SCN11A: variants seen among roughly 807,000 people sequenced by gnomAD.
SCN11A encodes the protein sodium voltage-gated channel alpha subunit 11, also known as sodium channel protein type 11 subunit alpha.
Under a neutral mutation model 162.2 loss-of-function variants are expected in SCN11A, and 122 were observed. That is an observed-to-expected ratio of 0.75 (90% CI 0.65 to 0.87). The LOEUF (loss-of-function observed/expected upper bound fraction) is 0.87, where lower values mean the gene tolerates loss of function less well. Among genes scored for constraint, SCN11A ranks in the 40% least tolerant of loss-of-function variants. The probability of loss-of-function intolerance (pLI) is 0.00; values close to 1 mark genes in which losing one functional copy is unlikely to be tolerated. For synonymous variants in SCN11A, 758 were observed against 751.5 expected, an observed-to-expected ratio of 1.01 and a Z score of -0.14; for missense variants, 2,015 against 2,181.6, an observed-to-expected ratio of 0.92 and a Z score of 1.52.
chr3:38,983,444 C>A (rs1261626862), intron 2 of SCN11A, among the ~76,000 whole-genome samples: 1 of 152,104 alleles, frequency 6.6e-6, no homozygotes, highest in Non-Finnish European at 1.5e-5. Context: ...TGTGGCCTGA[C>A]CTCCCCTGTG....
At position 38,894,757 on chromosome 3, in the gene SCN11A, C is replaced by T. The variant is rs1265488171; in HGVS notation, c.2611G>A (p.Gly871Arg). 2 of 1,614,190 alleles carry T rather than the reference C, an allele frequency of 1.2e-6. No homozygotes were observed. Among genetic ancestry groups the T allele is most frequent in the Non-Finnish European group, 1.7e-6 (2 of 1,180,020 alleles). Residue 871 changes from glycine to arginine, a missense_variant, in exon 19 of 30, where the codon GGA (glycine) becomes AGA (arginine). Gly to Arg is a moderately radical substitution (Grantham distance 125). Transcript: ENST00000302328. ...TCTTTGCTTTGTGCAGCACAGCCTC[C>T]TGCCACCTCTTTTTGCTGTGGTAAG... ...QNLPQQKEVA[G>R]GCAAQSKDII...
intron 2 of SCN11A, among the ~76,000 whole-genome samples, chr3:39,021,896 T>C (rs1396393971): frequency 6.6e-6 from 1 of 152,052 alleles, no homozygotes; most frequent in East Asian, 1.9e-4. Flanking sequence ...GAAAACTGAG[T>C]TATTGGCCAT....
At chr3:39,007,280 T>TC (rs2031005232) in intron 2 of SCN11A, among the ~76,000 whole-genome samples, 1 of 152,206 alleles carries the variant, frequency 6.6e-6, no homozygotes, top group Non-Finnish European at 1.5e-5. Flanking sequence ...TTTATCTTCA[T>TC]CCCCTGTTCC....
intron 2 of SCN11A, among the ~76,000 whole-genome samples, chr3:38,983,850 G>C (rs143961128): frequency 6.0e-5 from 9 of 150,888 alleles, no homozygotes; most frequent in African/African-American, 2.2e-4. Context: ...CAGGAAGTTA[G>C]AGAGAGAAAT....
Position 38,919,951 on chromosome 3 carries a change from T to C in SCN11A, c.943A>G (p.Ile315Val), listed in dbSNP as rs762734011. 1.2e-6 allele frequency: 2 copies of C among 1,613,286 alleles called. No individual in the cohort carries two copies. Among genetic ancestry groups the C allele is most frequent in the Admixed American group, 3.3e-5 (2 of 60,010 alleles). The change falls in exon 11 of 30, where the codon ATC (isoleucine) becomes GTC (valine). Residue 315 changes from isoleucine to valine, a missense_variant. Transcript: ENST00000302328. ...ACCTCTTACCTGTTACCCATCCAGA[T>C]GCCACACATTTTGAATTCAGGTGAA... The part of the protein sequence containing the change: ...ENSPEFKMCG[I>V]WMGNSACSIQ...
intron 7 of SCN11A, among the ~76,000 whole-genome samples, chr3:38,940,194 G>A (rs72855744): frequency 0.031 from 4,636 of 151,988 alleles, 225 homozygotes; most frequent in African/African-American, 0.1. Flanking sequence ...TGGAAGATCT[G>A]TATGAAGAAA....
intron 28 of SCN11A, among the ~76,000 whole-genome samples, chr3:38,862,289 G>A (rs1005070546): frequency 6.6e-6 from 1 of 152,180 alleles, no homozygotes; most frequent in African/African-American, 2.4e-5. Context: ...CACTGTTGGT[G>A]GGAATATAAA....
intron 29 of SCN11A, chr3:38,849,811 C>A (rs114505126): frequency 6.6e-6 from 1 of 152,074 alleles, no homozygotes; most frequent in African/African-American, 2.4e-5. Flanking sequence ...GTTAACCCTG[C>A]GTGTGATTAG....
At chr3:38,892,933 C>T (rs532154985) in intron 19 of SCN11A, among the ~76,000 whole-genome samples, 1 of 151,816 alleles carries the variant, frequency 6.6e-6, no homozygotes, top group African/African-American at 2.4e-5. Context: ...GCAAGTGAAG[C>T]AGTAGAGAAA....
At chr3:38,985,124 CTGTCTT>C (rs1559564468) in intron 2 of SCN11A, among the ~76,000 whole-genome samples, 1 of 137,656 alleles carries the variant, frequency 7.3e-6, no homozygotes, top group Non-Finnish European at 1.5e-5. Flanking sequence ...TTCTGGCTGG[CTGTCTT>C]TTTTTTTTTT....
At chr3:38,881,498 A>C (rs145796303) in intron 22 of SCN11A, among the ~76,000 whole-genome samples, 22 of 152,218 alleles carry the variant, frequency 1.4e-4, no homozygotes, top group African/African-American at 5.3e-4. Context: ...CCTGCAATTG[A>C]GCTTCAGAGG....
chr3:39,025,619 C>T (rs964916460), intron 2 of SCN11A, among the ~76,000 whole-genome samples: 1 of 152,146 alleles, frequency 6.6e-6, no homozygotes, highest in Non-Finnish European at 1.5e-5. Context: ...TGTCTTCTAG[C>T]ATGTTAATGC....
At chr3:39,047,046 C>CCCCCCA (rs1196512820) in intron 1 of SCN11A, among the ~76,000 whole-genome samples, 1 of 63,214 alleles carries the variant, frequency 1.6e-5, no homozygotes, top group Non-Finnish European at 3.0e-5. Flanking sequence ...CCACCCCCAT[C>CCCCCCA]CCCCCACCCC....
chr3:38,918,800 C>G (rs1039491222), intron 11 of SCN11A, among the ~76,000 whole-genome samples: 5 of 152,176 alleles, frequency 3.3e-5, no homozygotes, highest in African/African-American at 1.2e-4. Flanking sequence ...AGGTCACAAC[C>G]CCATCATACC....
At chr3:38,927,994 G>A (rs2066171344) in intron 7 of SCN11A, among the ~76,000 whole-genome samples, 1 of 152,134 alleles carries the variant, frequency 6.6e-6, no homozygotes, top group African/African-American at 2.4e-5. Flanking sequence ...TGCATATATG[G>A]CCAAATTATT....
intron 7 of SCN11A, among the ~76,000 whole-genome samples, chr3:38,937,726 G>A (rs1446206175): frequency 6.6e-6 from 1 of 152,182 alleles, no homozygotes; most frequent in African/African-American, 2.4e-5. Context: ...GGAAACAACA[G>A]GTTCTGGAGA....
chr3:38,857,118 A>G (rs1477879471), intron 28 of SCN11A, among the ~76,000 whole-genome samples: 1 of 152,192 alleles, frequency 6.6e-6, no homozygotes, highest in Non-Finnish European at 1.5e-5. Flanking sequence ...CCAAAAGATC[A>G]TACTAGCTTC....
intron 7 of SCN11A, among the ~76,000 whole-genome samples, chr3:38,939,839 G>T (rs544562662): frequency 1.9e-3 from 286 of 151,644 alleles, no homozygotes; most frequent in Non-Finnish European, 3.3e-3. Context: ...GGAGGAGGAG[G>T]TTGTGGTGAG....
rs115795845 is a variant in SCN11A at position 39,025,810 on chromosome 3, G to A, written c.-280+6570C>T. Among the ~76,000 whole-genome samples, 575 of 152,224 alleles carry A rather than the reference G, an allele frequency of 3.8e-3. 1 individual carries two copies. Among genetic ancestry groups the A allele is most frequent in the African/African-American group, 0.013 (546 of 41,532 alleles). On this transcript the variant is annotated intron_variant, in intron 2 of 29. Transcript: ENST00000302328. ...TGTGACTAAGAATGCTTAACCTCCT[G>A]GGAGTGCAGCCTAGTAGGTCTCAGC... is the stretch of plus-strand genomic sequence containing the variant.
Sources: allele counts gnomAD v4.1 joint callset (sites outside exome capture counted in the v4.1 genomes callset), GRCh38; gene constraint gnomAD v4.1.1; transcripts MANE v1.5; gene names NCBI Gene and HGNC (gene_info 2026-07-23, HGNC 2026-07-21).